The following SECISBP2L variants were observed in gnomAD, a reference collection of about 807,000 sequenced individuals.
SECISBP2L encodes SECIS binding protein 2 like.
SECISBP2L carries 43 observed loss-of-function variants against 114.7 expected under a neutral mutation model. The observed-to-expected ratio is 0.38, with a 90% confidence interval of 0.29 to 0.48. The LOEUF is 0.48. SECISBP2L is among the 20% of genes least tolerant of loss of function. The pLI is 0.98. For missense variants in SECISBP2L, 1,136 were observed against 1,301.1 expected, an observed-to-expected ratio of 0.87 and a Z score of 1.95; for synonymous variants, 451 against 439.7, an observed-to-expected ratio of 1.03 and a Z score of -0.32.
intron 17 of SECISBP2L, 66 bp from the exon 18 acceptor site, chr15:48,992,992 A>C (rs1411614717): frequency 1.5e-6 from 2 of 1,332,030 alleles, no homozygotes; most frequent in Non-Finnish European, 2.1e-6. Context: ...ACTCTTTAAA[A>C]ACCCCCAAAA....
chr15:49,019,029 C>G (rs1287231604), intron 8 of SECISBP2L, among the ~76,000 whole-genome samples: 4 of 152,162 alleles, frequency 2.6e-5, no homozygotes, highest in South Asian at 2.1e-4. Flanking sequence ...CTCTAAAATT[C>G]TCCTGGCTGG....
chr15:49,000,793 G>A (rs1902187717), intron 15 of SECISBP2L, 84 bp downstream of exon 15: 1 of 1,119,132 alleles, frequency 8.9e-7, no homozygotes, highest in South Asian at 1.7e-5. Flanking sequence ...ACTCTGATGA[G>A]AAAGACATAT....
chr15:49,046,317 C>T lies in SECISBP2L; in HGVS notation c.-18G>A, dbSNP rs1016271643. ...CGGTCCATGGTGCCTGCAGCCGCAA[C>T]GGGCCCGCGCTAGTCGGTGTAAACA... On this transcript the variant is annotated 5_prime_UTR_variant, in exon 1 of 18. Coordinates refer to ENST00000559471, the MANE Select transcript of SECISBP2L (RefSeq NM_001193489.2). 3.2e-6 allele frequency: 5 copies of T among 1,540,324 alleles called. No homozygotes were observed. The highest frequency in any genetic ancestry group is 2.8e-5 in the African/African-American group (2 of 71,298).
intron 11 of SECISBP2L, 175 bp downstream of exon 11, chr15:49,016,385 G>A (rs1281855019): frequency 3.9e-6 from 2 of 515,214 alleles, no homozygotes; most frequent in Admixed American, 7.4e-5. Context: ...ACAATTTCAA[G>A]GCTTGCGGTT....
intron 17 of SECISBP2L, among the ~76,000 whole-genome samples, chr15:48,995,217 G>A (rs755966998): frequency 5.3e-4 from 81 of 152,320 alleles, no homozygotes; most frequent in Non-Finnish European, 9.7e-4. Context: ...CCTTTGAGAT[G>A]CGGCATTTCA....
intron 17 of SECISBP2L, among the ~76,000 whole-genome samples, chr15:48,995,114 G>A (rs759018278): frequency 2.0e-5 from 3 of 151,916 alleles, no homozygotes; most frequent in Non-Finnish European, 2.9e-5. Flanking sequence ...TGAGACTTTC[G>A]TTTTATACTA....
intron 2 of SECISBP2L, 156 bp downstream of exon 2, chr15:49,037,435 C>T: frequency 3.3e-6 from 2 of 604,162 alleles, no homozygotes; most frequent in Non-Finnish European, 5.6e-6. Flanking sequence ...GAAACTAATC[C>T]ATATCAACAA....
intron 15 of SECISBP2L, among the ~76,000 whole-genome samples, chr15:49,000,565 A>T (rs4775795): frequency 0.5 from 75,996 of 152,046 alleles, 21,254 homozygotes; most frequent in Non-Finnish European, 0.63. Flanking sequence ...CCACCATAAA[A>T]TTTTAAAAGC....
In SECISBP2L at chr15:49,009,166, C is replaced by A. The variant is rs1239389807; in HGVS notation, c.2027+50G>T. The A allele has an allele frequency of 3.2e-6, 5 of 1,568,166 alleles. No individual in the cohort carries two copies. The African/African-American group carries it at 5.4e-5, about 17-fold the overall frequency. ...AATGACAATACTAAATTCAGAACTA[C>A]AATCAAGATCCTTAAACTATTCAAC... On this transcript the variant is annotated intron_variant, in intron 14 of 17. Transcript: ENST00000559471.
chr15:49,028,159 A>G lies in SECISBP2L; in HGVS notation c.904T>C (p.Ser302Pro), dbSNP rs1449238586. The G allele has an allele frequency of 1.3e-6, 2 of 1,580,236 alleles. No individual in the cohort carries two copies. Among genetic ancestry groups the G allele is most frequent in the East Asian group, 2.2e-5 (1 of 44,480 alleles). The change falls in exon 6 of 18, where the codon TCA becomes CCA. Residue 302 changes from serine (S) to proline (P), a missense_variant. Transcript: ENST00000559471. ...PDSGTMNHVE[S>P]SMCAGGVNWS... ...AAACAAGTACCTGCACACATAGATG[A>G]TTCCACATGCTAAAAAAAGAAACAA...
At position 49,009,269 on chromosome 15, in the gene SECISBP2L, G is replaced by A. The variant is rs1255735718; in HGVS notation, c.1974C>T (p.Gly658=). Residue 658 remains glycine, a synonymous_variant, in exon 14 of 18, where the codon GGC becomes GGT. Transcript: ENST00000559471. ...SQGSPASSGI[G]SPMASSTITK... is the part of the protein sequence containing the mutation. ...TTATTGTTGAAGATGCCATTGGACT[G>A]CCTATTCCAGAACTAGCAGGAGAGC... The A allele has an allele frequency of 6.2e-7, 1 of 1,614,106 alleles. No homozygotes were observed.
At chr15:49,001,409 A>G (rs570827174) in intron 14 of SECISBP2L, among the ~76,000 whole-genome samples, 93 of 152,278 alleles carry the variant, frequency 6.1e-4, no homozygotes, top group African/African-American at 2.2e-3. Context: ...TAAACACTCA[A>G]AAATATCTGA....
In SECISBP2L at chr15:48,989,432, CCAGT is replaced by C. The variant is rs1368571163; in HGVS notation, c.*2808_*2811del. 6.6e-6 allele frequency: 1 copy of C among 152,556 alleles called. No individual in the cohort carries two copies. The highest frequency in any genetic ancestry group is 2.4e-5 in the African/African-American group (1 of 41,442). The allele number at this position is 152,556 out of a possible 1,614,324, so 9.5% of individuals were successfully genotyped here. A position where few individuals can be genotyped will look rare whatever the true frequency, so the allele number is the denominator to read the frequency against. ...AATACCATCTCTGCAAAAACAACCT[CCAGT>C]CAAAGCCAGTAAAAACTTCTCAATG... On this transcript the variant is annotated 3_prime_UTR_variant, in exon 18 of 18. Coordinates refer to ENST00000559471, the MANE Select transcript of SECISBP2L (RefSeq NM_001193489.2).
chr15:49,028,790 GAAGA>G (rs1156800726), intron 4 of SECISBP2L, 108 bp from the exon 5 acceptor site: 1 of 904,000 alleles, frequency 1.1e-6, no homozygotes, highest in Non-Finnish European at 1.7e-6. Flanking sequence ...CTTCATAAAT[GAAGA>G]AATAGGTGAC....
At chr15:49,028,304 T>C in intron 5 of SECISBP2L, 136 bp from the exon 6 acceptor site, 1 of 985,140 alleles carries the variant, frequency 1.0e-6, no homozygotes, top group South Asian at 1.8e-5. Context: ...AAATGAATAT[T>C]TTTATTAATA....
At position 49,035,489 on chromosome 15, in the gene SECISBP2L, G is replaced by A. The variant is rs750193327; in HGVS notation, c.373C>T (p.Pro125Ser). Reference protein sequence around the residue: ...PCAQVMGFYHPFPTPYSNTFQ... With the variant: ...PCAQVMGFYHSFPTPYSNTFQ... ...GTGTTGGAGTAAGGTGTAGGAAAAG[G>A]ATGATAGAAACCCATAACCTGGGCA... Residue 125 changes from proline (P) to serine (S), a missense_variant, in exon 3 of 18, where the codon CCT (proline) becomes TCT (serine). Coordinates refer to ENST00000559471, the MANE Select transcript of SECISBP2L (RefSeq NM_001193489.2). 6.2e-7 allele frequency: 1 copy of A among 1,614,158 alleles called. No individual in the cohort carries two copies. The highest frequency in any genetic ancestry group is 1.1e-5 in the South Asian group (1 of 91,084).
At chr15:49,021,135 C>T (rs747503753) in intron 7 of SECISBP2L, among the ~76,000 whole-genome samples, 18 of 152,156 alleles carry the variant, frequency 1.2e-4, no homozygotes, top group Non-Finnish European at 1.5e-4. Flanking sequence ...ACCCCAGAGA[C>T]GCCTTCACCC....
At chr15:49,027,522 G>C in intron 6 of SECISBP2L, 42 bp from the exon 7 acceptor site, 1 of 1,325,834 alleles carries the variant, frequency 7.5e-7, no homozygotes, top group East Asian at 2.5e-5. Flanking sequence ...ACTTATAAAA[G>C]GTAGGAAAAC....
At chr15:48,993,315 A>G (rs1290778040) in intron 17 of SECISBP2L, among the ~76,000 whole-genome samples, 1 of 152,138 alleles carries the variant, frequency 6.6e-6, no homozygotes, top group Non-Finnish European at 1.5e-5. Flanking sequence ...AGGGAAAATA[A>G]TTCCCAAAAA....
Sources: allele counts gnomAD v4.1 joint callset (sites outside exome capture counted in the v4.1 genomes callset), GRCh38; gene constraint gnomAD v4.1.1; transcripts MANE v1.5; gene names NCBI Gene and HGNC (gene_info 2026-07-23, HGNC 2026-07-21).